GARRE1: variants seen among roughly 807,000 people sequenced by gnomAD.
GARRE1 encodes the protein granule associated Rac and RHOG effector protein 1.
GARRE1 carries 49 observed loss-of-function variants against 103.2 expected under a neutral mutation model. That is an observed-to-expected ratio of 0.47 (90% CI 0.38 to 0.60). The LOEUF (loss-of-function observed/expected upper bound fraction) is 0.60, where lower values mean the gene tolerates loss of function less well. GARRE1 is among the 20% of genes least tolerant of loss of function. The pLI is 0.00. For missense variants in GARRE1, 1,199 were observed against 1,370.5 expected (o/e 0.87, Z 1.98); for synonymous variants, 505 against 532.8 (o/e 0.95, Z 0.72).
At position 34,342,904 on chromosome 19, in the gene GARRE1, T is replaced by C. The variant is rs190212160; in HGVS notation, c.2521+449T>C. On this transcript the variant is annotated intron_variant, in intron 10 of 13. Transcript: ENST00000299505. The stretch of plus-strand genomic sequence containing the variant: ...CAGACACCCTCCTGCCTTCATAGAA[T>C]ACAGCTTCTCCTGGGCTAGACAATG... Among the ~76,000 whole-genome samples the C allele has an allele frequency of 6.8e-3, 1,041 of 152,084 alleles. 4 individuals are homozygous for C. Among genetic ancestry groups the C allele is most frequent in the Middle Eastern group, 0.014 (4 of 294 alleles).
intron 1 of GARRE1, among the ~76,000 whole-genome samples, chr19:34,258,352 G>A (rs887437435): frequency 2.0e-5 from 3 of 152,024 alleles, no homozygotes; most frequent in African/African-American, 7.3e-5. Flanking sequence ...TGAGTCCTGG[G>A]TAGAGAACCA....
At position 34,280,278 on chromosome 19, in the gene GARRE1, T is replaced by A. The variant is rs1292182732; in HGVS notation, c.-795-19401T>A. On this transcript the variant is annotated intron_variant, in intron 1 of 13. Coordinates refer to ENST00000299505, the MANE Select transcript of GARRE1 (RefSeq NM_014686.5). ...CAACATTGGGAATTACTATTCAACA[T>A]GAGATTTGTGTGGGGACACAGATTT... Among the ~76,000 whole-genome samples the A allele has an allele frequency of 3.3e-5, 5 of 152,128 alleles. No homozygotes were observed. The East Asian group carries it at 9.6e-4, about 29-fold the overall frequency.
chr19:34,315,635 C>T (rs952497796), intron 2 of GARRE1, among the ~76,000 whole-genome samples: 4 of 145,616 alleles, frequency 2.7e-5, no homozygotes, highest in African/African-American at 1.0e-4. Flanking sequence ...GGCATGAACC[C>T]GCGAGGCAAA....
intron 1 of GARRE1, among the ~76,000 whole-genome samples, chr19:34,294,934 C>T (rs969554248): frequency 2.6e-5 from 4 of 152,174 alleles, no homozygotes; most frequent in Non-Finnish European, 5.9e-5. Context: ...ACCTCGGCCT[C>T]CCAAAGCACT....
chr19:34,341,542 C>T lies in GARRE1; in HGVS notation c.1608C>T (p.Phe536=). Residue 536 remains phenylalanine, a synonymous_variant, in exon 10 of 14, where the codon TTC becomes TTT. Transcript: ENST00000299505. ...NKSSGGLQKT[F]SKLTSRFTKK... is the part of the protein sequence containing the mutation. ...CTTCAGGTGGCCTGCAGAAGACATTCTCCAAACTGACATCCCGGTTCACCA... is the reference window on the plus strand; with the variant it reads ...CTTCAGGTGGCCTGCAGAAGACATTTTCCAAACTGACATCCCGGTTCACCA... 6.2e-7 allele frequency: 1 copy of T among 1,614,182 alleles called. No homozygotes were observed. The highest frequency in any genetic ancestry group is 2.2e-5 in the East Asian group (1 of 44,890).
intron 7 of GARRE1, among the ~76,000 whole-genome samples, chr19:34,333,296 C>A (rs2074145716): frequency 6.6e-6 from 1 of 152,156 alleles, no homozygotes; most frequent in African/African-American, 2.4e-5. Flanking sequence ...TTGCCTAAAT[C>A]TCCCAAAGTG....
chr19:34,352,802 G>A lies in GARRE1; in HGVS notation c.3060G>A (p.Trp1020Ter). The change falls in exon 14 of 14, where the codon TGG becomes TGA. Residue 1020 changes from tryptophan (W) to a stop codon, truncating the protein, a stop_gained. Transcript: ENST00000299505. LOFTEE classifies it high-confidence loss of function. ...DTMQMLQSPV[W>*]AATNDCSAAA... ...TGCAGATGCTGCAGTCCCCAGTGTG[G>A]GCCGCAACCAACGACTGCAGTGCCG... 1 of 1,613,940 alleles carries A rather than the reference G, an allele frequency of 6.2e-7. No individual in the cohort carries two copies. Among genetic ancestry groups the A allele is most frequent in the Non-Finnish European group, 8.5e-7 (1 of 1,179,984 alleles).
At chr19:34,339,804 CCTG>C in intron 8 of GARRE1, 60 bp from the exon 9 acceptor site, 2 of 1,603,480 alleles carry the variant, frequency 1.2e-6, no homozygotes, top group Non-Finnish European at 1.7e-6. Flanking sequence ...TTCTATGAGA[CCTG>C]CTTGAGACAC....
At chr19:34,258,003 C>T (rs1385532460) in intron 1 of GARRE1, among the ~76,000 whole-genome samples, 1 of 151,434 alleles carries the variant, frequency 6.6e-6, no homozygotes, top group Non-Finnish European at 1.5e-5. Flanking sequence ...GAGTCTCCTG[C>T]CTCAGCCTCC....
intron 12 of GARRE1, among the ~76,000 whole-genome samples, chr19:34,351,131 A>G (rs2074234186): frequency 6.6e-6 from 1 of 151,292 alleles, no homozygotes; most frequent in Non-Finnish European, 1.5e-5. Context: ...CCTGGGATGC[A>G]GAGTTTGCAA....
chr19:34,297,048 A>C (rs2145237470), intron 1 of GARRE1, among the ~76,000 whole-genome samples: 1 of 152,276 alleles, frequency 6.6e-6, no homozygotes, highest in East Asian at 1.9e-4. Context: ...GCACTTTGGG[A>C]GGCCGAGGTG....
intron 1 of GARRE1, among the ~76,000 whole-genome samples, chr19:34,266,635 C>G (rs1334493645): frequency 6.6e-6 from 1 of 152,106 alleles, no homozygotes; most frequent in African/African-American, 2.4e-5. Flanking sequence ...TGAGCCATTG[C>G]ATCAGGCAAC....
intron 1 of GARRE1, among the ~76,000 whole-genome samples, chr19:34,295,596 C>T (rs1226962388): frequency 6.6e-6 from 1 of 152,012 alleles, no homozygotes. Flanking sequence ...GTGGTGTAAT[C>T]ATGGCCCACT....
At chr19:34,309,672 G>T (rs1018880969) in intron 2 of GARRE1, among the ~76,000 whole-genome samples, 2 of 152,082 alleles carry the variant, frequency 1.3e-5, no homozygotes, top group African/African-American at 4.8e-5. Context: ...GGTACATGGG[G>T]GCTTGTTATG....
At chr19:34,271,121 A>G (rs899092734) in intron 1 of GARRE1, among the ~76,000 whole-genome samples, 10 of 152,118 alleles carry the variant, frequency 6.6e-5, no homozygotes, top group Non-Finnish European at 1.3e-4. Flanking sequence ...GTTCCCTGGG[A>G]TTAAAGCCAT....
rs1189401462 is a variant in GARRE1, at chr19:34,348,058, T to A, written c.2687+16T>A. 7.1e-7 allele frequency: 1 copy of A among 1,401,754 alleles called. No individual in the cohort carries two copies. The highest frequency in any genetic ancestry group is 9.4e-7 in the Non-Finnish European group (1 of 1,066,788). The allele number at this position is 1,401,754 out of a possible 1,614,324, so 86.8% of individuals were successfully genotyped here. A position where few individuals can be genotyped will look rare whatever the true frequency, so the allele number is the denominator to read the frequency against. ...TCACAGAAGGGTGAGTGCTGGGTAC[T>A]TCAGGGAATCTGAGCTTGAGACCCA... On this transcript the variant is annotated intron_variant, in intron 11 of 13. Transcript: ENST00000299505.
intron 8 of GARRE1, among the ~76,000 whole-genome samples, chr19:34,335,063 T>G (rs2074155059): frequency 6.6e-6 from 1 of 150,688 alleles, no homozygotes; most frequent in Non-Finnish European, 1.5e-5. Context: ...AAAAAAACCG[T>G]TATGATGTCA....
At chr19:34,287,797 T>C (rs2073895807) in intron 1 of GARRE1, among the ~76,000 whole-genome samples, 1 of 152,176 alleles carries the variant, frequency 6.6e-6, no homozygotes, top group African/African-American at 2.4e-5. Context: ...TGAACTGGCC[T>C]CTTTTTATAA....
In GARRE1 at chr19:34,342,508, G is replaced by A. The variant is rs539680070; in HGVS notation, c.2521+53G>A. The A allele has an allele frequency of 5.6e-5, 84 of 1,505,806 alleles. 1 individual carries two copies. The South Asian group carries it at 7.3e-4, about 13-fold the overall frequency. 93.3% of individuals were successfully genotyped at this position (1,505,806 alleles called of 1,614,324 possible). On this transcript the variant is annotated intron_variant, in intron 10 of 13. Transcript: ENST00000299505. ...AGTGTCAACAGCAAATGCAACTGCC[G>A]AGGTCTTCCCAGGGCCTGTCTGCTG...
Sources: gnomAD v4.1 joint callset for allele counts (sites outside exome capture counted in the v4.1 genomes callset) on GRCh38, gnomAD v4.1.1 for gene constraint, MANE v1.5 for transcripts, NCBI Gene and HGNC (gene_info 2026-07-23, HGNC 2026-07-21) for gene names.